PDE4D: variants seen among roughly 807,000 people sequenced by gnomAD.
PDE4D encodes the protein 3',5'-cyclic-AMP phosphodiesterase 4D.
In PDE4D, 24 loss-of-function variants were observed where a neutral mutation model predicts 87.4. That is an observed-to-expected ratio of 0.27 (90% confidence interval 0.20 to 0.39). The LOEUF (loss-of-function observed/expected upper bound fraction) is 0.39. Ranked by LOEUF, PDE4D falls within the 10% of genes least tolerant of loss-of-function variation. The pLI is 1.00. For missense variants in PDE4D, 714 were observed against 1,041.0 expected, an observed-to-expected ratio of 0.69 and a Z score of 4.32; for synonymous variants, 384 against 383.2, an observed-to-expected ratio of 1.00 and a Z score of -0.02.
At chr5:59,467,896 T>G (rs1178671283) in intron 1 of PDE4D, among the ~76,000 whole-genome samples, 1 of 152,238 alleles carries the variant, frequency 6.6e-6, no homozygotes, top group Non-Finnish European at 1.5e-5. Flanking sequence ...CATGATCATA[T>G]GTTACAAAGC....
At chr5:59,635,428 A>T (rs1024475956) in intron 1 of PDE4D, among the ~76,000 whole-genome samples, 1 of 152,202 alleles carries the variant, frequency 6.6e-6, no homozygotes, top group East Asian at 1.9e-4. Context: ...TGGCAGAGAC[A>T]CAACAAAAAA....
At chr5:59,786,891 C>T (rs1247290321) in intron 1 of PDE4D, among the ~76,000 whole-genome samples, 2 of 151,934 alleles carry the variant, frequency 1.3e-5, no homozygotes, top group African/African-American at 2.4e-5. Flanking sequence ...CTAAAGATTT[C>T]GCCAGGAGAA....
chr5:59,850,806 A>G (rs1053606755), intron 1 of PDE4D, among the ~76,000 whole-genome samples: 1 of 152,078 alleles, frequency 6.6e-6, no homozygotes, highest in Non-Finnish European at 1.5e-5. Context: ...GCAGAGGTCC[A>G]ATAGGAGATG....
At chr5:59,000,446 T>C (rs550948619) in intron 6 of PDE4D, among the ~76,000 whole-genome samples, 1 of 152,290 alleles carries the variant, frequency 6.6e-6, no homozygotes, top group South Asian at 2.1e-4. Flanking sequence ...ACGACTAATG[T>C]CCAGAATTCA....
At chr5:59,212,179 G>A (rs1430150508) in intron 2 of PDE4D, among the ~76,000 whole-genome samples, 3 of 152,080 alleles carry the variant, frequency 2.0e-5, no homozygotes, top group African/African-American at 7.2e-5. Context: ...GGTAAGGTGA[G>A]AAAATTAAAG....
intron 6 of PDE4D, among the ~76,000 whole-genome samples, chr5:59,019,547 C>T (rs1296279386): frequency 6.6e-6 from 1 of 152,102 alleles, no homozygotes; most frequent in African/African-American, 2.4e-5. Context: ...CAGAGAGGCT[C>T]ACTCCTCCAG....
intron 1 of PDE4D, among the ~76,000 whole-genome samples, chr5:59,574,122 A>C (rs1402954848): frequency 2.4e-4 from 1 of 4,120 alleles, no homozygotes; most frequent in Non-Finnish European, 8.1e-4. Context: ...ATATATAAAT[A>C]TATATTTATA....
intron 9 of PDE4D, 62 bp downstream of exon 9, chr5:58,990,742 A>T (rs1299000353): frequency 2.3e-6 from 2 of 854,628 alleles, no homozygotes; most frequent in East Asian, 5.3e-5. Context: ...TGTATGCATA[A>T]GCTACAGACT....
chr5:59,379,986 C>T (rs1336999069), intron 1 of PDE4D, among the ~76,000 whole-genome samples: 1 of 152,084 alleles, frequency 6.6e-6, no homozygotes, highest in African/African-American at 2.4e-5. Flanking sequence ...ATTCCCCTTT[C>T]CCCTCCTGGC....
chr5:59,087,235 A>G (rs1383126701), intron 5 of PDE4D, among the ~76,000 whole-genome samples: 1 of 152,174 alleles, frequency 6.6e-6, no homozygotes, highest in East Asian at 1.9e-4. Context: ...CTGTCATCCC[A>G]GCACTTTGGG....
At chr5:59,403,129 A>ATAGGTAGGTAGGTAGG (rs151232838) in intron 1 of PDE4D, among the ~76,000 whole-genome samples, 11 of 146,596 alleles carry the variant, frequency 7.5e-5, no homozygotes, top group African/African-American at 2.6e-4. Flanking sequence ...TTGGTACATA[A>ATAGGTAGGTAGGTAGG]TAGGTAGGTA....
intron 1 of PDE4D, among the ~76,000 whole-genome samples, chr5:59,890,576 T>G (rs1750814380): frequency 6.6e-6 from 1 of 152,224 alleles, no homozygotes. Flanking sequence ...CTTTATGTCC[T>G]GTAGTATCAG....
intron 5 of PDE4D, among the ~76,000 whole-genome samples, chr5:59,066,434 G>A (rs1763946698): frequency 6.6e-6 from 1 of 152,044 alleles, no homozygotes; most frequent in Non-Finnish European, 1.5e-5. Flanking sequence ...CATCAGCAAA[G>A]GTGCAACTTC....
chr5:58,987,351 C>T (rs1311693309), intron 11 of PDE4D, among the ~76,000 whole-genome samples: 1 of 152,156 alleles, frequency 6.6e-6, no homozygotes, highest in Non-Finnish European at 1.5e-5. Flanking sequence ...TAAAAAAATA[C>T]TTGACTAACC....
chr5:59,572,632 C>A (rs1822059796), intron 1 of PDE4D, among the ~76,000 whole-genome samples: 1 of 152,268 alleles, frequency 6.6e-6, no homozygotes. Context: ...AGGCGCCCGC[C>A]ACCACGCCCA....
In PDE4D at chr5:59,529,143, T is replaced by C. The variant is rs1170007929; in HGVS notation, c.456-313175A>G. The C allele has an allele frequency of 8.3e-6, 4 of 484,266 alleles. No homozygotes were observed. The East Asian group carries it at 2.2e-4, about 27-fold the overall frequency. 30.0% of individuals were successfully genotyped at this position (484,266 alleles called of 1,614,324 possible). A position where few individuals can be genotyped will look rare whatever the true frequency, so the allele number is the denominator to read the frequency against. On this transcript the variant is annotated intron_variant, in intron 1 of 14. Transcript: ENST00000340635. ...AAAACTCACTCTTGGGAGCTCTGTG[T>C]GGAATTGGGCCCCTCTTCTTCTGGT...
At position 58,969,426 on chromosome 5, in the gene PDE4D, C is replaced by G. The variant is rs992036797; in HGVS notation, c.*5238G>C. Reference sequence around the variant, plus strand: ...TCCAGATGTCTCAAGCTCATTTATGCCTCAAGATCTTTGCAAATGTTTCTT... The same window carrying G: ...TCCAGATGTCTCAAGCTCATTTATGGCTCAAGATCTTTGCAAATGTTTCTT... On this transcript the variant is annotated 3_prime_UTR_variant, in exon 15 of 15. Coordinates refer to ENST00000340635, the MANE Select transcript of PDE4D (RefSeq NM_001104631.2). The G allele has an allele frequency of 6.6e-6, 1 of 152,202 alleles. No homozygotes were observed. The highest frequency in any genetic ancestry group is 1.9e-4 in the East Asian group (1 of 5,196). 9.4% of individuals were successfully genotyped at this position (152,202 alleles called of 1,614,324 possible). A position where few individuals can be genotyped will look rare whatever the true frequency, so the allele number is the denominator to read the frequency against.
In PDE4D at chr5:59,768,631, T is replaced by A; in HGVS notation, c.455+124537A>T. On this transcript the variant is annotated intron_variant, in intron 1 of 14. Transcript: ENST00000340635. ...GCTGCTGTTAGTGCATTCAGTCGCC[T>A]GCCTCAGTCTCTCTGTAGAGCCTGG... 3 of 1,528,364 alleles carry A rather than the reference T, an allele frequency of 2.0e-6. No homozygotes were observed. The South Asian group carries it at 3.9e-5, about 20-fold the overall frequency. 94.7% of individuals were successfully genotyped at this position (1,528,364 alleles called of 1,614,324 possible). A position where few individuals can be genotyped will look rare whatever the true frequency, so the allele number is the denominator to read the frequency against.
chr5:59,820,202 A>C (rs1769470998), intron 1 of PDE4D, among the ~76,000 whole-genome samples: 1 of 152,180 alleles, frequency 6.6e-6, no homozygotes. Flanking sequence ...TAAAATCTTC[A>C]AGACAATGTT....
Sources: allele counts gnomAD v4.1 joint callset (sites outside exome capture counted in the v4.1 genomes callset), GRCh38; gene constraint gnomAD v4.1.1; transcripts MANE v1.5; gene names NCBI Gene and HGNC (gene_info 2026-07-23, HGNC 2026-07-21).